Variants in PCDH9 observed in about 807,000 individuals in gnomAD.
The protein encoded by PCDH9 is protocadherin-9.
A neutral mutation model predicts 70.6 loss-of-function variants in PCDH9; 24 were observed. The observed-to-expected ratio is 0.34, with a 90% CI of 0.25 to 0.48. The LOEUF (loss-of-function observed/expected upper bound fraction) is 0.48, where lower values mean the gene tolerates loss of function less well. PCDH9 is among the 20% of genes least tolerant of loss of function. The probability of loss-of-function intolerance (pLI) is 0.99; values close to 1 mark genes in which losing one functional copy is unlikely to be tolerated. For synonymous variants in PCDH9, 562 were observed against 558.5 expected (o/e 1.01, Z -0.09); for missense variants, 1,281 against 1,503.6 (o/e 0.85, Z 2.45).
chr13:67,062,454 T>G (rs989735047), intron 2 of PCDH9, among the ~76,000 whole-genome samples: 2 of 152,156 alleles, frequency 1.3e-5, no homozygotes, highest in African/African-American at 4.8e-5. Flanking sequence ...GTTAACCATC[T>G]CAGATAATAT....
intron 2 of PCDH9, among the ~76,000 whole-genome samples, chr13:67,146,925 T>G (rs1032922036): frequency 2.0e-5 from 3 of 152,202 alleles, no homozygotes; most frequent in Non-Finnish European, 4.4e-5. Context: ...GATTCTAGTT[T>G]GTCAGGAAAC....
At chr13:67,177,022 G>A (rs2088480209) in intron 2 of PCDH9, among the ~76,000 whole-genome samples, 1 of 151,944 alleles carries the variant, frequency 6.6e-6, no homozygotes, top group African/African-American at 2.4e-5. Context: ...AATAAGCATT[G>A]CTACCTTGTC....
At chr13:66,818,257 A>C (rs1243406607) in intron 3 of PCDH9, among the ~76,000 whole-genome samples, 1 of 152,184 alleles carries the variant, frequency 6.6e-6, no homozygotes, top group Non-Finnish European at 1.5e-5. Context: ...ATTTTAATTA[A>C]AATGTGTAAA....
intron 4 of PCDH9, among the ~76,000 whole-genome samples, chr13:66,468,402 A>C (rs1333077297): frequency 6.6e-6 from 1 of 152,124 alleles, no homozygotes; most frequent in Non-Finnish European, 1.5e-5. Flanking sequence ...CTGAACCCAG[A>C]GTGAAACTTT....
chr13:66,698,894 TC>T (rs1302511081), intron 3 of PCDH9, among the ~76,000 whole-genome samples: 30 of 76,540 alleles, frequency 3.9e-4, no homozygotes, highest in Non-Finnish European at 6.9e-4. Flanking sequence ...GCTCAATTCC[TC>T]TTTTTTTTTT....
rs1227722234 is a variant in PCDH9, at chr13:67,172,569, TG to T, written c.3036+52835del. On this transcript the variant is annotated intron_variant, in intron 2 of 4. Transcript: ENST00000377865. ...CAGGGGCTCAACTTCAAAGGGCTTT[TG>T]TGGCCATTCAAGAATGGATGGTTTT... 2.0e-5 allele frequency among the ~76,000 whole-genome samples: 3 copies of T among 152,014 alleles called. No individual in the cohort carries two copies. In the East Asian group the frequency reaches 5.8e-4, roughly 29 times the overall value.
chr13:66,325,035 T>C (rs1331225758), intron 4 of PCDH9, among the ~76,000 whole-genome samples: 2 of 151,940 alleles, frequency 1.3e-5, no homozygotes, highest in East Asian at 3.8e-4. Context: ...ATAAACATTG[T>C]ACCCACTATA....
At chr13:66,755,603 G>C (rs1288262431) in intron 3 of PCDH9, among the ~76,000 whole-genome samples, 1 of 151,956 alleles carries the variant, frequency 6.6e-6, no homozygotes, top group Non-Finnish European at 1.5e-5. Flanking sequence ...AAACCAAAAA[G>C]GTGTGGGGTG....
intron 2 of PCDH9, among the ~76,000 whole-genome samples, chr13:67,134,141 C>T (rs1250262637): frequency 6.6e-6 from 1 of 151,988 alleles, no homozygotes; most frequent in East Asian, 1.9e-4. Context: ...TTTTTGATAT[C>T]ACTATGCAAG....
chr13:67,078,001 A>G (rs1380715699), intron 2 of PCDH9, among the ~76,000 whole-genome samples: 1 of 152,016 alleles, frequency 6.6e-6, no homozygotes, highest in Non-Finnish European at 1.5e-5. Context: ...CAGGCCTCTC[A>G]TGTTGTGGTT....
At chr13:66,787,163 C>G (rs1024281196) in intron 3 of PCDH9, among the ~76,000 whole-genome samples, 31 of 152,186 alleles carry the variant, frequency 2.0e-4, no homozygotes, top group African/African-American at 7.5e-4. Flanking sequence ...CAACCCCATG[C>G]TGTACCACTT....
At chr13:66,628,372 C>T (rs939216391) in intron 4 of PCDH9, among the ~76,000 whole-genome samples, 27 of 152,214 alleles carry the variant, frequency 1.8e-4, no homozygotes, top group African/African-American at 6.0e-4. Flanking sequence ...AATATTACCA[C>T]ATGATTCTTT....
At chr13:66,621,527 A>G (rs987939069) in intron 4 of PCDH9, among the ~76,000 whole-genome samples, 1 of 152,224 alleles carries the variant, frequency 6.6e-6, no homozygotes, top group Non-Finnish European at 1.5e-5. Flanking sequence ...TCCAGTGAAA[A>G]GAACACTGAT....
intron 3 of PCDH9, among the ~76,000 whole-genome samples, chr13:66,734,001 G>C (rs2079111057): frequency 6.6e-6 from 1 of 152,102 alleles, no homozygotes. Flanking sequence ...ACCCAATAGA[G>C]TATTTTTGCT....
intron 2 of PCDH9, among the ~76,000 whole-genome samples, chr13:67,025,713 T>C (rs920323622): frequency 6.6e-6 from 1 of 152,132 alleles, no homozygotes; most frequent in Non-Finnish European, 1.5e-5. Flanking sequence ...CAGTGTTGGG[T>C]ATGTCTACTA....
chr13:66,304,515 T>C lies in PCDH9; in HGVS notation c.*140A>G. On this transcript the variant is annotated 3_prime_UTR_variant, in exon 5 of 5. Transcript: ENST00000377865. Reference sequence around the variant, plus strand: ...CTCATATGTTGCAAAAACATTGTATTCTCCATGGTGCTAACACAAAGTTAT... The same window carrying C: ...CTCATATGTTGCAAAAACATTGTATCCTCCATGGTGCTAACACAAAGTTAT... The C allele has an allele frequency of 1.5e-6, 1 of 674,468 alleles. No homozygotes were observed. The highest frequency in any genetic ancestry group is 2.6e-6 in the Non-Finnish European group (1 of 389,048). 41.8% of individuals were successfully genotyped at this position (674,468 alleles called of 1,614,324 possible). A position where few individuals can be genotyped will look rare whatever the true frequency, so the allele number is the denominator to read the frequency against.
chr13:66,439,904 A>G (rs1045571173), intron 4 of PCDH9, among the ~76,000 whole-genome samples: 4 of 152,162 alleles, frequency 2.6e-5, no homozygotes, highest in African/African-American at 9.6e-5. Context: ...CAAGTTTAAC[A>G]TCCAATTCCA....
At chr13:66,595,311 G>T (rs1363529461) in intron 4 of PCDH9, among the ~76,000 whole-genome samples, 1 of 151,600 alleles carries the variant, frequency 6.6e-6, no homozygotes, top group Non-Finnish European at 1.5e-5. Flanking sequence ...TTTATCTTCT[G>T]GACAAAATCC....
chr13:67,199,897 A>G (rs2089167544), intron 2 of PCDH9, among the ~76,000 whole-genome samples: 1 of 152,030 alleles, frequency 6.6e-6, no homozygotes, highest in South Asian at 2.1e-4. Context: ...AGCTGATGGT[A>G]TTTTCATTCA....
Sources: allele counts gnomAD v4.1 joint callset (sites outside exome capture counted in the v4.1 genomes callset), GRCh38; gene constraint gnomAD v4.1.1; transcripts MANE v1.5; gene names NCBI Gene and HGNC (gene_info 2026-07-23, HGNC 2026-07-21).